Variants in KCNU1 observed in about 807,000 individuals in gnomAD.
The protein encoded by KCNU1 is potassium channel subfamily U member 1.
KCNU1 carries 93 observed loss-of-function variants against 126.8 expected under a neutral mutation model. The ratio of observed to expected loss-of-function variants is 0.73; its 90% CI spans 0.62 to 0.87. The LOEUF (loss-of-function observed/expected upper bound fraction) is 0.87. Among genes scored for constraint, KCNU1 ranks in the 40% least tolerant of loss-of-function variants. The pLI, the probability that KCNU1 is intolerant of heterozygous loss-of-function variation, is 0.00. For synonymous variants in KCNU1, 523 were observed against 494.2 expected (o/e 1.06, Z -0.77); for missense variants, 1,330 against 1,367.1 (o/e 0.97, Z 0.43).
At chr8:36,860,500 G>A (rs915476013) in intron 18 of KCNU1, among the ~76,000 whole-genome samples, 1 of 152,138 alleles carries the variant, frequency 6.6e-6, no homozygotes, top group Non-Finnish European at 1.5e-5. Context: ...TGGGCATGAA[G>A]TTTCTCAGCC....
intron 13 of KCNU1, 128 bp from the exon 14 acceptor site, chr8:36,836,665 C>A (rs1177951923): frequency 3.6e-6 from 3 of 843,930 alleles, no homozygotes; most frequent in South Asian, 3.8e-5. Context: ...CTGGGCACCA[C>A]TTTTGTGTGC....
At chr8:36,827,852 T>C (rs1804382848) in intron 10 of KCNU1, among the ~76,000 whole-genome samples, 1 of 151,974 alleles carries the variant, frequency 6.6e-6, no homozygotes, top group South Asian at 2.1e-4. Context: ...AAAATAAAGG[T>C]GTATTGAGCC....
In KCNU1 at chr8:36,843,582, C is replaced by G. The variant is rs113894163; in HGVS notation, c.1704-1998C>G. Reference sequence around the variant, plus strand: ...CCAAGTGGCAGAGCCAGGATCTGAACTCAGGTCCTCTGGCTCCAGGGCTGT... The same window carrying G: ...CCAAGTGGCAGAGCCAGGATCTGAAGTCAGGTCCTCTGGCTCCAGGGCTGT... On this transcript the variant is annotated intron_variant, in intron 16 of 26. Transcript: ENST00000399881. 2.2e-4 allele frequency among the ~76,000 whole-genome samples: 33 copies of G among 152,318 alleles called. 1 individual carries two copies. The highest frequency in any genetic ancestry group is 7.2e-4 in the African/African-American group (30 of 41,572).
At chr8:36,828,270 G>T (rs1804398789) in intron 10 of KCNU1, among the ~76,000 whole-genome samples, 1 of 151,920 alleles carries the variant, frequency 6.6e-6, no homozygotes, top group Non-Finnish European at 1.5e-5. Context: ...AGCACATTTT[G>T]GTTATTTATG....
At chr8:36,911,161 G>A (rs935688380) in intron 22 of KCNU1, 42 bp downstream of exon 22, 8 of 1,444,738 alleles carry the variant, frequency 5.5e-6, no homozygotes, top group African/African-American at 4.3e-5. Flanking sequence ...AGGACGTATG[G>A]AAAAAAAGAG....
intron 24 of KCNU1, among the ~76,000 whole-genome samples, chr8:36,925,950 G>A (rs1293663939): frequency 6.6e-6 from 1 of 152,082 alleles, no homozygotes; most frequent in African/African-American, 2.4e-5. Flanking sequence ...AGACCCCCAA[G>A]GCAGACATTG....
At chr8:36,928,302 C>T (rs1038710359) in intron 24 of KCNU1, among the ~76,000 whole-genome samples, 3 of 152,086 alleles carry the variant, frequency 2.0e-5, no homozygotes, top group African/African-American at 7.2e-5. Context: ...AGAATTTACA[C>T]CTTTTCTTTA....
chr8:36,830,069 A>G (rs1804474336), intron 10 of KCNU1, among the ~76,000 whole-genome samples: 1 of 149,508 alleles, frequency 6.7e-6, no homozygotes, highest in Non-Finnish European at 1.5e-5. Flanking sequence ...CATTAAAACA[A>G]TTTATCTTTA....
chr8:36,833,088 G>A (rs1804613932), intron 10 of KCNU1, among the ~76,000 whole-genome samples: 1 of 151,986 alleles, frequency 6.6e-6, no homozygotes, highest in African/African-American at 2.4e-5. Context: ...ATACCGTTTT[G>A]ATAAATATTT....
At chr8:36,893,170 C>T (rs1030727827) in intron 19 of KCNU1, among the ~76,000 whole-genome samples, 18 of 145,174 alleles carry the variant, frequency 1.2e-4, no homozygotes, top group East Asian at 8.0e-4. Context: ...GATGAGGTTT[C>T]GCCATGTTGC....
chr8:36,900,938 A>G (rs1478555697), intron 19 of KCNU1, among the ~76,000 whole-genome samples: 1 of 152,110 alleles, frequency 6.6e-6, no homozygotes, highest in Non-Finnish European at 1.5e-5. Flanking sequence ...CCCCAAAAAT[A>G]TATTGCTCTG....
chr8:36,896,824 C>T (rs968804904), intron 19 of KCNU1, among the ~76,000 whole-genome samples: 1 of 151,890 alleles, frequency 6.6e-6, no homozygotes, highest in African/African-American at 2.4e-5. Context: ...TTTCTTCTTG[C>T]AAAATAATCA....
Position 36,911,135 on chromosome 8 carries a change from C to T in KCNU1, c.2521+16C>T, listed in dbSNP as rs180885198. 4,071 of 1,574,614 alleles carry T rather than the reference C, an allele frequency of 2.6e-3. 8 individuals are homozygous for T. Among genetic ancestry groups the T allele is most frequent in the Non-Finnish European group, 2.9e-3 (3,329 of 1,154,290 alleles). On this transcript the variant is annotated intron_variant, in intron 22 of 26. Coordinates refer to ENST00000399881, the MANE Select transcript of KCNU1 (RefSeq NM_001031836.3). ...TCAGTGTCAGGTGAGAACAGCACCC[C>T]TGAAAAGAAGAAACTAGGACGTATG...
intron 19 of KCNU1, among the ~76,000 whole-genome samples, chr8:36,897,373 A>G (rs1306655244): frequency 2.0e-5 from 3 of 151,994 alleles, no homozygotes; most frequent in African/African-American, 7.2e-5. Flanking sequence ...TAAGTACAAA[A>G]CATTTACAAG....
In KCNU1 at chr8:36,935,740, T is replaced by C; in HGVS notation, c.3270T>C (p.Tyr1090=). 1 of 1,613,460 alleles carries C rather than the reference T, an allele frequency of 6.2e-7. No homozygotes were observed. The highest frequency in any genetic ancestry group is 8.5e-7 in the Non-Finnish European group (1 of 1,179,548). Residue 1090 remains tyrosine (Y), a synonymous_variant, in exon 27 of 27, where the codon TAT becomes TAC. Transcript: ENST00000399881. The stretch of plus-strand genomic sequence containing the variant: ...CTGAGACATTGTATTCACCAGTCTA[T>C]TCTTACCAGCCGAGAACTAACTCCC... ...SVTETLYSPV[Y]SYQPRTNSLS...
intron 10 of KCNU1, among the ~76,000 whole-genome samples, chr8:36,832,421 C>A (rs1428122731): frequency 6.6e-6 from 1 of 152,096 alleles, no homozygotes; most frequent in Non-Finnish European, 1.5e-5. Context: ...ATTTCTTTAA[C>A]AGTTTAGGCT....
chr8:36,799,612 G>T (rs1803231642), intron 2 of KCNU1, among the ~76,000 whole-genome samples: 1 of 151,400 alleles, frequency 6.6e-6, no homozygotes, highest in East Asian at 1.9e-4. Context: ...TCGGCTCTCT[G>T]CAACCTCTGC....
At chr8:36,929,216 T>C (rs1808623152) in intron 24 of KCNU1, among the ~76,000 whole-genome samples, 2 of 151,804 alleles carry the variant, frequency 1.3e-5, no homozygotes, top group Non-Finnish European at 2.9e-5. Context: ...ACCATGTTTC[T>C]ACTAAAAATA....
At chr8:36,799,947 C>A (rs1325078376) in intron 2 of KCNU1, among the ~76,000 whole-genome samples, 1 of 152,050 alleles carries the variant, frequency 6.6e-6, no homozygotes, top group East Asian at 1.9e-4. Flanking sequence ...TATTCAGTAC[C>A]TCTATTGAGA....
Sources: gnomAD v4.1 joint callset for allele counts (sites outside exome capture counted in the v4.1 genomes callset) on GRCh38, gnomAD v4.1.1 for gene constraint, MANE v1.5 for transcripts, NCBI Gene and HGNC (gene_info 2026-07-23, HGNC 2026-07-21) for gene names.